Variants in CDH13 observed in about 807,000 individuals in gnomAD.
CDH13 encodes the protein cadherin 13.
In CDH13, 24 loss-of-function variants were observed where a neutral mutation model predicts 63.8. The observed-to-expected ratio is 0.38, with a 90% confidence interval of 0.27 to 0.53. CDH13 has a LOEUF of 0.53. Ranked by LOEUF, CDH13 falls within the 20% of genes least tolerant of loss-of-function variation. The probability of loss-of-function intolerance (pLI) is 0.85; values close to 1 mark genes in which losing one functional copy is unlikely to be tolerated. For missense variants in CDH13, 1,049 were observed against 903.1 expected, an observed-to-expected ratio of 1.16 and a Z score of -2.07; for synonymous variants, 503 against 355.3, an observed-to-expected ratio of 1.42 and a Z score of -4.67.
At chr16:83,132,460 T>G (rs1008767389) in intron 4 of CDH13, among the ~76,000 whole-genome samples, 1 of 129,388 alleles carries the variant, frequency 7.7e-6, no homozygotes, top group Admixed American at 7.9e-5. Context: ...CCCCTTTTTT[T>G]TTTTTTGAGA....
At chr16:83,078,839 G>T (rs572453766) in intron 3 of CDH13, among the ~76,000 whole-genome samples, 241 of 152,218 alleles carry the variant, frequency 1.6e-3, no homozygotes, top group Middle Eastern at 3.4e-3. Flanking sequence ...TGTCAGCCCG[G>T]GCTGGAGTGC....
chr16:82,736,343 G>T (rs1369014557), intron 1 of CDH13, among the ~76,000 whole-genome samples: 2 of 152,074 alleles, frequency 1.3e-5, no homozygotes, highest in African/African-American at 4.8e-5. Context: ...GTTAAGGGAA[G>T]AAAAAAACAG....
chr16:82,905,058 C>T (rs1472216665), intron 2 of CDH13, among the ~76,000 whole-genome samples: 16 of 152,282 alleles, frequency 1.1e-4, no homozygotes, highest in Admixed American at 9.8e-4. Context: ...AGAAGCATCT[C>T]GCTGAGTCTG....
intron 7 of CDH13, among the ~76,000 whole-genome samples, chr16:83,601,057 G>A (rs546485538): frequency 6.6e-6 from 1 of 152,172 alleles, no homozygotes; most frequent in South Asian, 2.1e-4. Flanking sequence ...CACAGGGCCT[G>A]GACTTAACAT....
At chr16:82,858,240 C>A (rs2039782948) in intron 1 of CDH13, 122 bp from the exon 2 acceptor site, 1 of 636,812 alleles carries the variant, frequency 1.6e-6, no homozygotes, top group East Asian at 2.7e-5. Context: ...TTCAACTTAC[C>A]TCTTCATTTG....
chr16:83,101,859 G>T (rs192883765), intron 3 of CDH13, among the ~76,000 whole-genome samples: 1 of 152,284 alleles, frequency 6.6e-6, no homozygotes, highest in East Asian at 1.9e-4. Flanking sequence ...GTGAGGAAAG[G>T]TCTGAGGAAA....
At chr16:82,735,478 C>T (rs1213495929) in intron 1 of CDH13, among the ~76,000 whole-genome samples, 2 of 152,194 alleles carry the variant, frequency 1.3e-5, no homozygotes, top group African/African-American at 2.4e-5. Context: ...ACTAGAGTAT[C>T]GCCTTGGATT....
At chr16:82,767,747 C>T (rs752670448) in intron 1 of CDH13, among the ~76,000 whole-genome samples, 4 of 152,208 alleles carry the variant, frequency 2.6e-5, no homozygotes, top group Admixed American at 2.6e-4. Flanking sequence ...TGAGCTCTCT[C>T]TCCTTTGGAC....
At chr16:83,138,107 T>C (rs1042983225) in intron 4 of CDH13, among the ~76,000 whole-genome samples, 1 of 152,004 alleles carries the variant, frequency 6.6e-6, no homozygotes, top group Non-Finnish European at 1.5e-5. Flanking sequence ...GAGTGTTGCA[T>C]TAAAGATGTT....
At chr16:83,717,899 T>A (rs1293690829) in intron 10 of CDH13, 1 of 152,218 alleles carries the variant, frequency 6.6e-6, no homozygotes, top group East Asian at 1.9e-4. Context: ...CTCCTGTTGT[T>A]GAGAGGCTCA....
At position 83,678,250 on chromosome 16, in the gene CDH13, A is replaced by G. The variant is rs1915126786; in HGVS notation, c.1327A>G (p.Lys443Glu). 1 of 1,613,858 alleles carries G rather than the reference A, an allele frequency of 6.2e-7. No homozygotes were observed. Among genetic ancestry groups the G allele is most frequent in the Non-Finnish European group, 8.5e-7 (1 of 1,179,838 alleles). ...EISAFHTLLI[K>E]VENEDPLVPD... ...TTCTGCCTTCCACACCCTGCTGATC[A>G]AAGTGGAAAATGAAGACCCACTCGT... The change falls in exon 10 of 14, where the codon AAA becomes GAA. Residue 443 changes from lysine to glutamate, a missense_variant. Transcript: ENST00000567109.
intron 1 of CDH13, 35 bp from the exon 2 acceptor site, chr16:82,858,327 C>T (rs746393493): frequency 1.1e-4 from 153 of 1,397,526 alleles, no homozygotes; most frequent in East Asian, 2.3e-4. Context: ...ACACATAAGC[C>T]GCTATTAAAA....
intron 5 of CDH13, among the ~76,000 whole-genome samples, chr16:83,251,357 C>A (rs1271604865): frequency 6.6e-6 from 1 of 152,172 alleles, no homozygotes; most frequent in African/African-American, 2.4e-5. Flanking sequence ...GTTATCCTTA[C>A]AAGAAAATTG....
At chr16:83,024,531 G>A (rs563855721) in intron 2 of CDH13, among the ~76,000 whole-genome samples, 1 of 152,238 alleles carries the variant, frequency 6.6e-6, no homozygotes, top group Admixed American at 6.5e-5. Flanking sequence ...CCCGAGTTTG[G>A]ATTTGACCTC....
chr16:83,094,376 A>C (rs909936250), intron 3 of CDH13, among the ~76,000 whole-genome samples: 1 of 152,166 alleles, frequency 6.6e-6, no homozygotes, highest in Non-Finnish European at 1.5e-5. Flanking sequence ...GAAAGATGCA[A>C]GGTTGGATAG....
At chr16:82,957,349 C>G (rs1906274320) in intron 2 of CDH13, among the ~76,000 whole-genome samples, 1 of 152,206 alleles carries the variant, frequency 6.6e-6, no homozygotes, top group Non-Finnish European at 1.5e-5. Flanking sequence ...AGTACATTTT[C>G]CTTCCAAACA....
intron 1 of CDH13, among the ~76,000 whole-genome samples, chr16:82,742,547 C>G (rs935980857): frequency 1.3e-5 from 2 of 151,998 alleles, no homozygotes; most frequent in Non-Finnish European, 2.9e-5. Context: ...TTCCATTTCT[C>G]TTTTGTAATT....
intron 6 of CDH13, among the ~76,000 whole-genome samples, chr16:83,472,504 G>C (rs1458248059): frequency 6.6e-6 from 1 of 152,172 alleles, no homozygotes; most frequent in Non-Finnish European, 1.5e-5. Flanking sequence ...AGAGGCAGTG[G>C]AGTCAGGGCA....
intron 2 of CDH13, among the ~76,000 whole-genome samples, chr16:82,963,333 T>A (rs1312493278): frequency 6.6e-6 from 1 of 152,070 alleles, no homozygotes; most frequent in Non-Finnish European, 1.5e-5. Flanking sequence ...GGACCAAGAA[T>A]GCACCATTGC....
Sources: gnomAD v4.1 joint callset for allele counts (sites outside exome capture counted in the v4.1 genomes callset) on GRCh38, gnomAD v4.1.1 for gene constraint, MANE v1.5 for transcripts, NCBI Gene and HGNC (gene_info 2026-07-23, HGNC 2026-07-21) for gene names.